NAV3: variants seen among roughly 807,000 people sequenced by gnomAD.
The protein encoded by NAV3 is neuron navigator 3.
NAV3 carries 87 observed loss-of-function variants against 244.7 expected under a neutral mutation model. That is an observed-to-expected ratio of 0.36 (90% CI 0.30 to 0.42). The LOEUF is 0.42. Ranked by LOEUF, NAV3 falls within the 20% of genes least tolerant of loss-of-function variation. NAV3 has a pLI of 1.00. For missense variants in NAV3, 2,663 were observed against 2,893.3 expected (o/e 0.92, Z 1.83); for synonymous variants, 1,126 against 1,042.2 (o/e 1.08, Z -1.55).
intron 2 of NAV3, among the ~76,000 whole-genome samples, chr12:77,575,448 A>C (rs1316218249): frequency 6.6e-6 from 1 of 152,084 alleles, no homozygotes; most frequent in African/African-American, 2.4e-5. Context: ...CTTGGCATTC[A>C]GATTCTGGAA....
chr12:77,986,899 G>A (rs1447473346), intron 5 of NAV3, among the ~76,000 whole-genome samples: 1 of 152,122 alleles, frequency 6.6e-6, no homozygotes, highest in African/African-American at 2.4e-5. Context: ...ATTGATTAGT[G>A]ATGTCTGTAA....
intron 8 of NAV3, among the ~76,000 whole-genome samples, chr12:78,019,738 T>C (rs1469166681): frequency 6.6e-6 from 1 of 152,034 alleles, no homozygotes; most frequent in Non-Finnish European, 1.5e-5. Flanking sequence ...GAGAGGAGTC[T>C]TGTGTGAGAT....
At chr12:77,598,366 A>T (rs1413289219) in intron 2 of NAV3, among the ~76,000 whole-genome samples, 1 of 152,026 alleles carries the variant, frequency 6.6e-6, no homozygotes, top group Non-Finnish European at 1.5e-5. Context: ...TGGTCCAGTA[A>T]TGTATCATAC....
At chr12:77,985,570 CT>C (rs58504254) in intron 5 of NAV3, among the ~76,000 whole-genome samples, 14,994 of 146,336 alleles carry the variant, frequency 0.1, 982 homozygotes, top group East Asian at 0.31. Flanking sequence ...TCTTTCTCTA[CT>C]TTTTTTTTTT....
chr12:77,961,566 G>C (rs150891581), intron 3 of NAV3, among the ~76,000 whole-genome samples: 3,932 of 133,742 alleles, frequency 0.029, 85 homozygotes, highest in African/African-American at 0.068. Flanking sequence ...TATTATTAAA[G>C]TAAATATTAT....
intron 2 of NAV3, among the ~76,000 whole-genome samples, chr12:77,590,602 A>G (rs1869861131): frequency 6.6e-6 from 1 of 152,162 alleles, no homozygotes; most frequent in African/African-American, 2.4e-5. Flanking sequence ...TCCGTACAAC[A>G]AATCCCCATG....
chr12:77,689,747 T>C (rs1874919568), intron 2 of NAV3, among the ~76,000 whole-genome samples: 1 of 151,882 alleles, frequency 6.6e-6, no homozygotes, highest in Non-Finnish European at 1.5e-5. Context: ...GTTTCATTTT[T>C]AGGTATTTTT....
chr12:77,674,510 G>A (rs758515606), intron 2 of NAV3, among the ~76,000 whole-genome samples: 10 of 151,436 alleles, frequency 6.6e-5, no homozygotes, highest in East Asian at 1.9e-4. Context: ...AGCCTCCCAC[G>A]TAGCAAGTAG....
intron 2 of NAV3, among the ~76,000 whole-genome samples, chr12:77,635,834 T>C (rs1214579520): frequency 6.6e-6 from 1 of 152,064 alleles, no homozygotes; most frequent in African/African-American, 2.4e-5. Flanking sequence ...GATGAGAAAA[T>C]TAAAGCTCTG....
intron 2 of NAV3, among the ~76,000 whole-genome samples, chr12:77,601,114 C>T (rs1179784101): frequency 6.6e-6 from 1 of 151,818 alleles, no homozygotes; most frequent in African/African-American, 2.4e-5. Flanking sequence ...GATTTAAGTG[C>T]TTTATATGTA....
intron 2 of NAV3, among the ~76,000 whole-genome samples, chr12:77,659,273 A>AAC (rs1428034783): frequency 1.3e-5 from 2 of 151,672 alleles, no homozygotes; most frequent in African/African-American, 2.4e-5. Context: ...GAAAAAAACA[A>AAC]ACAACCCCAT....
intron 12 of NAV3, among the ~76,000 whole-genome samples, chr12:78,083,560 C>A (rs1030671638): frequency 2.0e-5 from 3 of 152,134 alleles, no homozygotes; most frequent in African/African-American, 7.2e-5. Flanking sequence ...CATCCACTGA[C>A]CCATAGCCTC....
chr12:77,814,724 G>A lies in NAV3; in HGVS notation c.73-125595G>A, dbSNP rs112786127. Among the ~76,000 whole-genome samples, 1,023 of 152,078 alleles carry A rather than the reference G, an allele frequency of 6.7e-3. 15 individuals are homozygous for A. The highest frequency in any genetic ancestry group is 0.021 in the African/African-American group (880 of 41,476). ...ACCTGTGATTAAAAACCAACAACAAGCAAAAAGTAAAATACTGGATGTGCC... is the reference window on the plus strand; with the variant it reads ...ACCTGTGATTAAAAACCAACAACAAACAAAAAGTAAAATACTGGATGTGCC... On this transcript the variant is annotated intron_variant, in intron 2 of 8. Coordinates refer to the NAV3 transcript ENST00000550042.
chr12:78,153,825 T>A (rs566721823), intron 22 of NAV3, among the ~76,000 whole-genome samples: 1 of 152,072 alleles, frequency 6.6e-6, no homozygotes, highest in African/African-American at 2.4e-5. Flanking sequence ...TGCTAGTTAC[T>A]CTTGCTTTTT....
chr12:77,887,760 A>T (rs1009079035), intron 1 of NAV3, among the ~76,000 whole-genome samples: 2 of 152,188 alleles, frequency 1.3e-5, no homozygotes, highest in Admixed American at 1.3e-4. Flanking sequence ...ATTTAAAAGT[A>T]AGTAGTAAAC....
At chr12:77,859,758 CAAAAAAAAA>C (rs61516625) in intron 1 of NAV3, among the ~76,000 whole-genome samples, 1 of 68,722 alleles carries the variant, frequency 1.5e-5, no homozygotes, top group African/African-American at 4.9e-5. Context: ...CTTTCAAATG[CAAAAAAAAA>C]AAAAAAAAAA....
intron 2 of NAV3, among the ~76,000 whole-genome samples, chr12:77,621,069 G>C (rs1871351769): frequency 6.6e-6 from 1 of 152,152 alleles, no homozygotes; most frequent in South Asian, 2.1e-4. Flanking sequence ...TCTTGAAGAA[G>C]GTTTGAGTTT....
intron 2 of NAV3, among the ~76,000 whole-genome samples, chr12:77,657,807 G>T (rs1201295799): frequency 6.6e-6 from 1 of 151,984 alleles, no homozygotes; most frequent in South Asian, 2.1e-4. Flanking sequence ...TTCAATATAT[G>T]CAAATCAATA....
At chr12:77,824,334 C>T (rs1194629834) in intron 2 of NAV3, among the ~76,000 whole-genome samples, 2 of 145,688 alleles carry the variant, frequency 1.4e-5, no homozygotes, top group Non-Finnish European at 1.5e-5. Flanking sequence ...CTCAGGCAAT[C>T]CATCCGCCTT....
Sources: allele counts gnomAD v4.1 joint callset (sites outside exome capture counted in the v4.1 genomes callset), GRCh38; gene constraint gnomAD v4.1.1; transcripts MANE v1.5; gene names NCBI Gene and HGNC (gene_info 2026-07-23, HGNC 2026-07-21).